The following CHD1 variants were observed in gnomAD, a reference collection of about 807,000 sequenced individuals.
CHD1 encodes ATP-dependent chromatin remodeler CHD1.
Under a neutral mutation model 224.2 loss-of-function variants are expected in CHD1, and 36 were observed. The observed-to-expected ratio is 0.16, with a 90% CI of 0.12 to 0.21. The LOEUF (loss-of-function observed/expected upper bound fraction) is 0.21, where lower values mean the gene tolerates loss of function less well. Ranked by LOEUF, CHD1 falls within the 10% of genes least tolerant of loss-of-function variation. CHD1 has a pLI of 1.00. For missense variants in CHD1, 1,378 were observed against 1,994.8 expected, an observed-to-expected ratio of 0.69 and a Z score of 5.89; for synonymous variants, 668 against 658.3, an observed-to-expected ratio of 1.01 and a Z score of -0.23.
chr5:98,896,582 C>T, intron 11 of CHD1, 140 bp from the exon 12 acceptor site: 1 of 608,968 alleles, frequency 1.6e-6, no homozygotes, highest in Non-Finnish European at 2.9e-6. Flanking sequence ...TTATTAACTA[C>T]AAATAATAAA....
chr5:98,903,035 C>T, intron 4 of CHD1, 71 bp from the exon 5 acceptor site: 3 of 880,054 alleles, frequency 3.4e-6, no homozygotes, highest in Non-Finnish European at 5.3e-6. Context: ...TTTTTATTTG[C>T]TATACTATTT....
chr5:98,870,216 A>C (rs1006353355), intron 29 of CHD1, among the ~76,000 whole-genome samples: 1 of 152,200 alleles, frequency 6.6e-6, no homozygotes, highest in Non-Finnish European at 1.5e-5. Flanking sequence ...TTAACGCTAC[A>C]CAGGTAGTTA....
intron 12 of CHD1, among the ~76,000 whole-genome samples, chr5:98,895,609 C>T (rs751693951): frequency 4.0e-5 from 6 of 151,590 alleles, no homozygotes; most frequent in Non-Finnish European, 5.9e-5. Context: ...GAAAATTAGC[C>T]GGGCCTGGTG....
chr5:98,888,261 G>A, intron 16 of CHD1, 21 bp from the exon 17 acceptor site: 1 of 1,579,148 alleles, frequency 6.3e-7, no homozygotes, highest in Non-Finnish European at 8.6e-7. Flanking sequence ...AATTCAAGTT[G>A]TTATATGTTA....
At chr5:98,884,060 TCTAA>T (rs960206461) in intron 18 of CHD1, among the ~76,000 whole-genome samples, 9 of 148,306 alleles carry the variant, frequency 6.1e-5, no homozygotes, top group Non-Finnish European at 8.9e-5. Flanking sequence ...CAGGCTGGTC[TCTAA>T]CTCTTTGTTT....
In CHD1 at chr5:98,916,948, T is replaced by C. The variant is rs1318069146; in HGVS notation, c.53+9386A>G. On this transcript the variant is annotated intron_variant, in intron 2 of 35. Transcript: ENST00000614616. ...ATATCCGACCTCTGCCTTTTACTAA[T>C]GTAACTGAGGACTGAATCATTTAGA... Among the ~76,000 whole-genome samples the C allele has an allele frequency of 2.3e-4, 35 of 152,270 alleles. 1 individual carries two copies. The highest frequency in any genetic ancestry group is 4.3e-4 in the Non-Finnish European group (29 of 68,014).
chr5:98,859,363 T>C (rs1748294053), intron 33 of CHD1, among the ~76,000 whole-genome samples: 1 of 152,112 alleles, frequency 6.6e-6, no homozygotes, highest in Non-Finnish European at 1.5e-5. Context: ...CACTATTAAT[T>C]GAAGAACAGA....
intron 19 of CHD1, among the ~76,000 whole-genome samples, chr5:98,882,503 T>C (rs551423741): frequency 3.9e-5 from 6 of 152,144 alleles, no homozygotes; most frequent in African/African-American, 1.4e-4. Flanking sequence ...TAATGCAAAA[T>C]TCTATGAACT....
chr5:98,903,820 T>G lies in CHD1; in HGVS notation c.344A>C (p.Gln115Pro). Reference sequence around the variant, plus strand: ...TTCTGATCCGCTATTAGATGAGGCTTGATGTTGTTGTTGCTGCTGCTGCTG... The same window carrying G: ...TTCTGATCCGCTATTAGATGAGGCTGGATGTTGTTGTTGCTGCTGCTGCTG... ...QQQQQQQQQH[Q>P]ASSNSGSEED... The change falls in exon 4 of 36, where the codon CAA becomes CCA. Residue 115 changes from glutamine to proline, a missense_variant. By Grantham distance (76) the Gln-to-Pro change is moderately conservative. Coordinates refer to ENST00000614616, the MANE Select transcript of CHD1 (RefSeq NM_001270.4). The G allele has an allele frequency of 6.2e-7, 1 of 1,613,656 alleles. No homozygotes were observed. Among genetic ancestry groups the G allele is most frequent in the Non-Finnish European group, 8.5e-7 (1 of 1,179,702 alleles).
At chr5:98,909,912 T>C (rs1260656200) in intron 2 of CHD1, among the ~76,000 whole-genome samples, 1 of 152,162 alleles carries the variant, frequency 6.6e-6, no homozygotes, top group Non-Finnish European at 1.5e-5. Context: ...AGACCTGAAG[T>C]AGTCTTTGAT....
At position 98,907,672 on chromosome 5, in the gene CHD1, A is replaced by G. The variant is rs117797502; in HGVS notation, c.54-2574T>C. 8.2e-3 allele frequency among the ~76,000 whole-genome samples: 1,248 copies of G among 152,126 alleles called. 46 individuals carry two copies. In the East Asian group the frequency reaches 0.11, roughly 13 times the overall value. On this transcript the variant is annotated intron_variant, in intron 2 of 35. Transcript: ENST00000614616. The stretch of plus-strand genomic sequence containing the variant: ...GATCTAAGATACAGTTTAAGTGAAA[A>G]AAAGATACCAAATGTTTATAGAATG...
intron 17 of CHD1, chr5:98,885,985 T>C (rs986211116): frequency 1.1e-5 from 2 of 189,920 alleles, no homozygotes; most frequent in Non-Finnish European, 2.1e-5. Context: ...TATACTCTCA[T>C]GTTTTATCAT....
At position 98,859,822 on chromosome 5, in the gene CHD1, G is replaced by A. The variant is rs115015696; in HGVS notation, c.4524+150C>T. ...ATTTTACCTCTCTTCTGTGAATCTC[G>A]CCTGCAACAATCATTACTGTGGTGT... On this transcript the variant is annotated intron_variant, in intron 33 of 35. Coordinates refer to ENST00000614616, the MANE Select transcript of CHD1 (RefSeq NM_001270.4). The A allele has an allele frequency of 3.8e-3, 1,611 of 425,698 alleles. 25 individuals are homozygous for A. Among genetic ancestry groups the A allele is most frequent in the African/African-American group, 0.031 (1,500 of 47,910 alleles). 26.4% of individuals were successfully genotyped at this position (425,698 alleles called of 1,614,324 possible). A position where few individuals can be genotyped will look rare whatever the true frequency, so the allele number is the denominator to read the frequency against.
At chr5:98,856,822 G>T in intron 35 of CHD1, 97 bp from the exon 36 acceptor site, 1 of 790,390 alleles carries the variant, frequency 1.3e-6, no homozygotes, top group Non-Finnish European at 2.0e-6. Flanking sequence ...CTTAAAACAT[G>T]TTTTTAATTG....
At chr5:98,871,369 CAAAAAAAAAAAA>C (rs61406690) in intron 28 of CHD1, among the ~76,000 whole-genome samples, 15,633 of 47,706 alleles carry the variant, frequency 0.33, 1,273 homozygotes, top group Middle Eastern at 0.51. Context: ...CCATTTTAGG[CAAAAAAAAAAAA>C]AAAAAAAAAA....
chr5:98,863,805 A>T (rs764097757), intron 31 of CHD1, among the ~76,000 whole-genome samples: 2 of 152,148 alleles, frequency 1.3e-5, no homozygotes, highest in Non-Finnish European at 2.9e-5. Context: ...ATTTAAAATC[A>T]GTCTTTGAGT....
Position 98,926,336 on chromosome 5 carries a change from T to C in CHD1, c.51A>G (p.Ser17=), listed in dbSNP as rs778975650. 5 of 1,522,364 alleles carry C rather than the reference T, an allele frequency of 3.3e-6. No homozygotes were observed. Among genetic ancestry groups the C allele is most frequent in the Non-Finnish European group, 3.5e-6 (4 of 1,130,942 alleles). The allele number at this position is 1,522,364 out of a possible 1,614,324, so 94.3% of individuals were successfully genotyped here. The change falls in exon 2 of 36, where the codon TCA becomes TCG. Residue 17 remains serine, a splice_region_variant and synonymous_variant. Coordinates refer to ENST00000614616, the MANE Select transcript of CHD1 (RefSeq NM_001270.4). ...EESVRNSSGE[S]SQSDDDSGSA... is the part of the protein sequence containing the mutation. ...TTGATAACAAAGTGCTTACTTACCT[T>C]GATTCTCCACTACTGTTTCTAACAC...
chr5:98,881,666 T>C (rs568027036), intron 20 of CHD1, among the ~76,000 whole-genome samples: 12 of 152,134 alleles, frequency 7.9e-5, no homozygotes, highest in Non-Finnish European at 1.8e-4. Context: ...TGTGTCACCA[T>C]GCCCAGCTAA....
At chr5:98,879,357 C>G (rs768714396) in intron 23 of CHD1, among the ~76,000 whole-genome samples, 195 bp downstream of exon 23, 8 of 151,978 alleles carry the variant, frequency 5.3e-5, no homozygotes, top group Non-Finnish European at 8.8e-5. Context: ...TCAATGAAAC[C>G]AGGAGCAGGT....
Sources: allele counts gnomAD v4.1 joint callset (sites outside exome capture counted in the v4.1 genomes callset), GRCh38; gene constraint gnomAD v4.1.1; transcripts MANE v1.5; gene names NCBI Gene and HGNC (gene_info 2026-07-23, HGNC 2026-07-21).